The following DKK2 variants were observed in gnomAD, a reference collection of about 807,000 sequenced individuals.
DKK2 encodes the protein dickkopf Wnt signaling pathway inhibitor 2, also known as dickkopf-related protein 2.
In DKK2, 11 loss-of-function variants were observed where a neutral mutation model predicts 28.1. The ratio of observed to expected loss-of-function variants is 0.39; its 90% CI spans 0.25 to 0.65. DKK2 has a LOEUF of 0.65. DKK2 is among the 30% of genes least tolerant of loss of function. The pLI, the probability that DKK2 is intolerant of heterozygous loss-of-function variation, is 0.47. For synonymous variants in DKK2, 135 were observed against 126.5 expected (o/e 1.07, Z -0.45); for missense variants, 326 against 335.5 (o/e 0.97, Z 0.22).
At chr4:106,934,543 C>T (rs1724550837) in intron 1 of DKK2, among the ~76,000 whole-genome samples, 1 of 152,158 alleles carries the variant, frequency 6.6e-6, no homozygotes. Context: ...AATATACATA[C>T]ACATACACAA....
At chr4:107,034,153 T>A (rs1723924734) in intron 1 of DKK2, among the ~76,000 whole-genome samples, 1 of 152,078 alleles carries the variant, frequency 6.6e-6, no homozygotes, top group Non-Finnish European at 1.5e-5. Flanking sequence ...TGTCTCTCTG[T>A]CCATCCCAGA....
At chr4:106,985,239 A>T (rs1322811708) in intron 1 of DKK2, among the ~76,000 whole-genome samples, 4 of 151,052 alleles carry the variant, frequency 2.6e-5, no homozygotes, top group Non-Finnish European at 4.4e-5. Flanking sequence ...GATTATAGGC[A>T]GTAGTGTTCC....
intron 1 of DKK2, among the ~76,000 whole-genome samples, chr4:106,967,951 AAACAAAG>A (rs1156974636): frequency 7.7e-6 from 1 of 129,674 alleles, no homozygotes; most frequent in Non-Finnish European, 1.6e-5. Flanking sequence ...GAAAGAGAGA[AAACAAAG>A]AAAGAAAGGA....
At chr4:106,994,620 G>A (rs1441268849) in intron 1 of DKK2, among the ~76,000 whole-genome samples, 4 of 152,064 alleles carry the variant, frequency 2.6e-5, no homozygotes, top group Non-Finnish European at 5.9e-5. Flanking sequence ...AAAATAACTG[G>A]GGGAGTAGAG....
In DKK2 at chr4:107,007,165, A is replaced by G. The variant is rs895757723; in HGVS notation, c.222+28205T>C. ...TTTTTCCTCCAGTGGGAGATCTTGA[A>G]TTTATAAAGCATAGGTGATTTGTTT... On this transcript the variant is annotated intron_variant, in intron 1 of 3. Coordinates refer to ENST00000285311, the MANE Select transcript of DKK2 (RefSeq NM_014421.3). 2.0e-5 allele frequency among the ~76,000 whole-genome samples: 3 copies of G among 152,100 alleles called. No individual in the cohort carries two copies. The East Asian group carries it at 5.8e-4, about 29-fold the overall frequency.
intron 1 of DKK2, among the ~76,000 whole-genome samples, chr4:106,955,653 A>G (rs1284220860): frequency 6.6e-6 from 1 of 152,216 alleles, no homozygotes; most frequent in East Asian, 1.9e-4. Flanking sequence ...TAGGTCATGG[A>G]AACCTTTGGC....
At chr4:107,006,269 T>A (rs1406039911) in intron 1 of DKK2, among the ~76,000 whole-genome samples, 1 of 152,198 alleles carries the variant, frequency 6.6e-6, no homozygotes, top group Non-Finnish European at 1.5e-5. Flanking sequence ...ATGACAATCA[T>A]CTTTTAATAT....
rs1724390224 is a variant in DKK2 at position 106,924,110 on chromosome 4, G to T, written c.624C>A (p.Leu208=). 3 of 1,613,814 alleles carry T rather than the reference G, an allele frequency of 1.9e-6. No individual in the cohort carries two copies. Among genetic ancestry groups the T allele is most frequent in the Non-Finnish European group, 2.5e-6 (3 of 1,179,920 alleles). ...GTTTGGTACAGACTTCCCCCTGATG[G>T]AGCACTGGTTTGCAGATTTTGGTCC... ...HFWTKICKPV[L]HQGEVCTKQR... Residue 208 remains leucine (L), a synonymous_variant, in exon 4 of 4, where the codon CTC becomes CTA. Transcript: ENST00000285311.
At chr4:107,012,501 TAAAAG>T (rs899298874) in intron 1 of DKK2, among the ~76,000 whole-genome samples, 16 of 151,384 alleles carry the variant, frequency 1.1e-4, no homozygotes, top group African/African-American at 3.6e-4. Context: ...AATGCTTTTC[TAAAAG>T]AAAAGTGTGT....
intron 1 of DKK2, among the ~76,000 whole-genome samples, chr4:106,957,403 G>T (rs1405798340): frequency 1.3e-5 from 2 of 152,058 alleles, no homozygotes; most frequent in Non-Finnish European, 1.5e-5. Flanking sequence ...CCATTAAGGG[G>T]TATATACCCA....
intron 1 of DKK2, among the ~76,000 whole-genome samples, chr4:106,969,211 G>A (rs1383719068): frequency 3.3e-5 from 5 of 150,790 alleles, no homozygotes; most frequent in Non-Finnish European, 5.9e-5. Flanking sequence ...CAAACTTCTC[G>A]CCTCCAGTTT....
intron 1 of DKK2, among the ~76,000 whole-genome samples, chr4:107,024,193 C>T (rs1466241282): frequency 6.6e-6 from 1 of 151,946 alleles, no homozygotes; most frequent in Admixed American, 6.6e-5. Flanking sequence ...TAAAAATATA[C>T]TGATATCTAT....
At chr4:107,023,342 T>A (rs138219083) in intron 1 of DKK2, among the ~76,000 whole-genome samples, 1 of 152,026 alleles carries the variant, frequency 6.6e-6, no homozygotes, top group African/African-American at 2.4e-5. Flanking sequence ...TGAAAAGACA[T>A]GGAAGAATCT....
Position 106,989,562 on chromosome 4 carries a change from G to A in DKK2, c.222+45808C>T, listed in dbSNP as rs566339035. The stretch of plus-strand genomic sequence containing the variant: ...CATTTTTCAGAATTATTCTGGTAGA[G>A]CACACTATAAAAATTATATCAATTG... On this transcript the variant is annotated intron_variant, in intron 1 of 3. Transcript: ENST00000285311. Among the ~76,000 whole-genome samples the A allele has an allele frequency of 1.6e-4, 25 of 152,238 alleles. No individual in the cohort carries two copies. In the East Asian group the frequency reaches 4.8e-3, roughly 29 times the overall value.
At chr4:106,925,452 A>G (rs1414243976) in intron 2 of DKK2, among the ~76,000 whole-genome samples, 1 of 152,252 alleles carries the variant, frequency 6.6e-6, no homozygotes, top group South Asian at 2.1e-4. Flanking sequence ...AAACTGGAAT[A>G]GATATTTGCA....
chr4:106,992,077 A>G (rs1040501951), intron 1 of DKK2, among the ~76,000 whole-genome samples: 1 of 152,218 alleles, frequency 6.6e-6, no homozygotes, highest in Admixed American at 6.5e-5. Context: ...GCAGTAGGCT[A>G]GGAAACACCA....
At chr4:106,966,819 T>C (rs1315246533) in intron 1 of DKK2, among the ~76,000 whole-genome samples, 1 of 152,128 alleles carries the variant, frequency 6.6e-6, no homozygotes, top group Non-Finnish European at 1.5e-5. Context: ...ATGAGACTCA[T>C]TCACTATCAC....
intron 1 of DKK2, among the ~76,000 whole-genome samples, chr4:106,973,382 A>T (rs1722897484): frequency 6.6e-6 from 1 of 152,154 alleles, no homozygotes; most frequent in African/African-American, 2.4e-5. Flanking sequence ...ATTTCTCCAC[A>T]TTCTCTCCAG....
intron 1 of DKK2, among the ~76,000 whole-genome samples, chr4:106,930,883 C>T (rs1314562553): frequency 6.6e-6 from 1 of 152,106 alleles, no homozygotes. Flanking sequence ...AGAAGATTGG[C>T]AATTACATTT....
Sources: gnomAD v4.1 joint callset for allele counts (sites outside exome capture counted in the v4.1 genomes callset) on GRCh38, gnomAD v4.1.1 for gene constraint, MANE v1.5 for transcripts, NCBI Gene and HGNC (gene_info 2026-07-23, HGNC 2026-07-21) for gene names.